Variants in ZFP37 observed in about 807,000 individuals in gnomAD.
ZFP37 encodes zinc finger protein 37 homolog.
In ZFP37, 38 loss-of-function variants were observed where a neutral mutation model predicts 52.1. The observed-to-expected ratio is 0.73, with a 90% CI of 0.56 to 0.96. The LOEUF (loss-of-function observed/expected upper bound fraction) is 0.96, where lower values mean the gene tolerates loss of function less well. Ranked by LOEUF, ZFP37 falls within the 40% of genes least tolerant of loss-of-function variation. The pLI is 0.00. For synonymous variants in ZFP37, 253 were observed against 259.5 expected (o/e 0.98, Z 0.24); for missense variants, 695 against 741.4 (o/e 0.94, Z 0.73).
At chr9:113,050,468 CAAA>C (rs34498194) in intron 1 of ZFP37, among the ~76,000 whole-genome samples, 5 of 121,646 alleles carry the variant, frequency 4.1e-5, no homozygotes, top group Non-Finnish European at 3.5e-5. Context: ...GACAAATAGC[CAAA>C]AAAAAAAAAA....
intron 2 of ZFP37, 57 bp from the exon 3 acceptor site, chr9:113,049,553 C>T: frequency 1.3e-6 from 2 of 1,574,878 alleles, no homozygotes; most frequent in South Asian, 2.3e-5. Context: ...AGAAATGAAG[C>T]CGCAGCATTT....
chr9:113,039,742 CTT>C lies in ZFP37; in HGVS notation c.*2981_*2982del, dbSNP rs1364882218. On this transcript the variant is annotated 3_prime_UTR_variant, in exon 4 of 4. Transcript: ENST00000374227. ...CTCAGGCACTTAGATGATCATATCA[CTT>C]GAATAAATAAATGTTTCAAAACTGT... 4 of 152,158 alleles carry C rather than the reference CTT, an allele frequency of 2.6e-5. No homozygotes were observed. The highest frequency in any genetic ancestry group is 9.7e-5 in the African/African-American group (4 of 41,436). The allele number at this position is 152,158 out of a possible 1,614,324, so 9.4% of individuals were successfully genotyped here. A position where few individuals can be genotyped will look rare whatever the true frequency, so the allele number is the denominator to read the frequency against.
At position 113,043,025 on chromosome 9, in the gene ZFP37, G is replaced by T. The variant is rs1478079690; in HGVS notation, c.1593C>A (p.Gly531=). The change falls in exon 4 of 4, where the codon GGC becomes GGA. Residue 531 remains glycine (G), a synonymous_variant. Transcript: ENST00000374227. ...QCGKGFKQIE[G]LTQHQRVHTG... is the part of the protein sequence containing the mutation. The stretch of plus-strand genomic sequence containing the variant: ...TATGAACTCTCTGATGTTGAGTAAG[G>T]CCTTCAATTTGTTTAAAGCCTTTCC... 6.2e-7 allele frequency: 1 copy of T among 1,613,458 alleles called. No homozygotes were observed. The highest frequency in any genetic ancestry group is 1.3e-5 in the African/African-American group (1 of 74,824).
At position 113,039,423 on chromosome 9, in the gene ZFP37, G is replaced by C. The variant is rs1828812227; in HGVS notation, c.*3302C>G. ...TCAGATTCTAAAAGATATATCCCTG[G>C]AATGCTCTTCCGTCATATATATATA... On this transcript the variant is annotated 3_prime_UTR_variant, in exon 4 of 4. Transcript: ENST00000374227. 1 of 151,706 alleles carries C rather than the reference G, an allele frequency of 6.6e-6. No individual in the cohort carries two copies. Among genetic ancestry groups the C allele is most frequent in the Admixed American group, 6.6e-5 (1 of 15,202 alleles). 9.4% of individuals were successfully genotyped at this position (151,706 alleles called of 1,614,324 possible). A position where few individuals can be genotyped will look rare whatever the true frequency, so the allele number is the denominator to read the frequency against.
chr9:113,048,561 G>C (rs1236254967), intron 3 of ZFP37, among the ~76,000 whole-genome samples: 1 of 152,148 alleles, frequency 6.6e-6, no homozygotes, highest in Non-Finnish European at 1.5e-5. Context: ...TTGAGCACAG[G>C]AATAAGGATA....
In ZFP37 at chr9:113,043,002, T is replaced by C. The variant is rs768402026; in HGVS notation, c.1616A>G (p.His539Arg). 6.2e-7 allele frequency: 1 copy of C among 1,613,914 alleles called. No individual in the cohort carries two copies. Reference sequence around the variant, plus strand: ...ACACTCATACGGTTTCTCTCCAGTATGAACTCTCTGATGTTGAGTAAGGCC... The same window carrying C: ...ACACTCATACGGTTTCTCTCCAGTACGAACTCTCTGATGTTGAGTAAGGCC... ...IEGLTQHQRV[H>R]TGEKPYECNE... Residue 539 changes from histidine to arginine, a missense_variant, in exon 4 of 4, where the codon CAT (histidine) becomes CGT (arginine). Physicochemically the swap from His to Arg is conservative, Grantham distance 29 (BLOSUM62 0). Around this residue, in one of 2 missense-constraint regions of ZFP37, gnomAD observed 326 missense variants for 400.5 expected, o/e 0.81. Coordinates refer to ENST00000374227, the MANE Select transcript of ZFP37 (RefSeq NM_003408.3).
rs1321290362 is a variant in ZFP37 at position 113,044,138 on chromosome 9, T to A, written c.480A>T (p.Lys160Asn). The change falls in exon 4 of 4, where the codon AAA becomes AAT. Residue 160 changes from lysine (K) to asparagine (N), a missense_variant. Transcript: ENST00000374227. ...GAACATGTTTTTTATGCAAATTATT[T>A]TTTTTCCCCAGTGAACCACAGTCAC... ...NGSDCGSLGK[K>N]NNLHKKHVPS... is the part of the protein sequence containing the mutation. 6.2e-7 allele frequency: 1 copy of A among 1,612,704 alleles called. No homozygotes were observed.
intron 1 of ZFP37, chr9:113,050,095 C>T (rs1218601091): frequency 1.6e-6 from 1 of 642,836 alleles, no homozygotes. Context: ...TAAGAAATGT[C>T]CCTACTGAGC....
At position 113,043,141 on chromosome 9, in the gene ZFP37, CAT is replaced by C. The variant is rs1491201380; in HGVS notation, c.1475_1476del (p.Asn492ArgfsTer9). ...THTKEKPYKC[N>X]ECGKAFGHSS... ...CTATGTCCAAAGGCTTTTCCACACT[CAT>C]TACATTTATAAGGTTTCTCCTTAGT... is the stretch of plus-strand genomic sequence containing the variant. On this transcript the variant is annotated frameshift_variant, in exon 4 of 4. Transcript: ENST00000374227. LOFTEE classifies it high-confidence loss of function. The C allele has an allele frequency of 6.2e-6, 10 of 1,613,594 alleles. No homozygotes were observed. Among genetic ancestry groups the C allele is most frequent in the Non-Finnish European group, 8.5e-6 (10 of 1,179,934 alleles).
chr9:113,049,677 C>A, intron 2 of ZFP37, 114 bp downstream of exon 2: 1 of 1,472,226 alleles, frequency 6.8e-7, no homozygotes, highest in African/African-American at 1.4e-5. Flanking sequence ...TGCCTAGTAC[C>A]CAAAAAAGAA....
chr9:113,055,170 G>A lies in ZFP37; in HGVS notation c.132+1387C>T, dbSNP rs12554807. Among the ~76,000 whole-genome samples the A allele has an allele frequency of 9.9e-3, 1,500 of 152,208 alleles. 63 individuals carry two copies. The highest frequency in any genetic ancestry group is 0.077 in the Admixed American group (1,183 of 15,276). ...TTACTCCTACCCCAGGTCCTTTGCA[G>A]TTGATGTTTATTTCTTCCTGAAACA... is the stretch of plus-strand genomic sequence containing the variant. On this transcript the variant is annotated intron_variant, in intron 1 of 3. Transcript: ENST00000374227.
chr9:113,049,632 G>A, intron 2 of ZFP37, 136 bp from the exon 3 acceptor site: 1 of 1,430,980 alleles, frequency 7.0e-7, no homozygotes, highest in Admixed American at 2.6e-5. Flanking sequence ...CAGCTAAATA[G>A]ACCTTCCATT....
intron 1 of ZFP37, chr9:113,050,176 G>A (rs1247098142): frequency 8.0e-6 from 2 of 250,204 alleles, no homozygotes; most frequent in East Asian, 2.1e-4. Flanking sequence ...CTTGAGCTCA[G>A]GAGTTTGAGA....
chr9:113,056,601 G>A lies in ZFP37; in HGVS notation c.88C>T (p.Arg30Ter). The change falls in exon 1 of 4, where the codon CGA (arginine) becomes TGA (stop). Residue 30 changes from arginine (R) to a stop codon, truncating the protein, a stop_gained. Transcript: ENST00000374227. LOFTEE classifies it high-confidence loss of function. ...RSAETTKEAGRPLEMAVSEPE... is the reference protein window; with the variant it reads ...RSAETTKEAG ...TCGGACACAGCCATCTCCAGTGGTCGCCCGGCCTCTTTGGTCGTTTCCGCA... is the reference window on the plus strand; with the variant it reads ...TCGGACACAGCCATCTCCAGTGGTCACCCGGCCTCTTTGGTCGTTTCCGCA... 2 of 1,613,854 alleles carry A rather than the reference G, an allele frequency of 1.2e-6. No homozygotes were observed. The highest frequency in any genetic ancestry group is 2.2e-5 in the South Asian group (2 of 91,070).
Position 113,044,135 on chromosome 9 carries a change from A to AT in ZFP37, c.482dup (p.Asn161LysfsTer2), listed in dbSNP as rs563751025. 17 of 1,611,252 alleles carry AT rather than the reference A, an allele frequency of 1.1e-5. No individual in the cohort carries two copies. The highest frequency in any genetic ancestry group is 1.4e-5 in the Non-Finnish European group (16 of 1,179,394). On this transcript the variant is annotated frameshift_variant, in exon 4 of 4. Transcript: ENST00000374227. LOFTEE classifies it high-confidence loss of function. ...AAGGAACATGTTTTTTATGCAAATT[A>AT]TTTTTTTTCCCCAGTGAACCACAGT...
rs75744451 is a variant in ZFP37, at chr9:113,051,514, G to A, written c.133-1642C>T. Among the ~76,000 whole-genome samples, 38 of 152,030 alleles carry A rather than the reference G, an allele frequency of 2.5e-4. No homozygotes were observed. The East Asian group carries it at 6.4e-3, about 26-fold the overall frequency. On this transcript the variant is annotated intron_variant, in intron 1 of 3. Transcript: ENST00000374227. The stretch of plus-strand genomic sequence containing the variant: ...GTTGCCCAGGCTGAAGTGCAATAGC[G>A]TAATCATAGCTCACCGACACCTTGA...
chr9:113,056,426 C>T, intron 1 of ZFP37, 131 bp downstream of exon 1: 1 of 1,446,186 alleles, frequency 6.9e-7, no homozygotes, highest in Non-Finnish European at 9.3e-7. Flanking sequence ...GAACACCGAC[C>T]TCCCAAAAGA....
chr9:113,044,406 G>A, intron 3 of ZFP37, 138 bp from the exon 4 acceptor site: 1 of 679,388 alleles, frequency 1.5e-6, no homozygotes, highest in Non-Finnish European at 2.3e-6. Context: ...AAACAACTAG[G>A]GTGAATGGAC....
rs766846414 is a variant in ZFP37, at chr9:113,043,434, T to C, written c.1184A>G (p.His395Arg). 6.2e-7 allele frequency: 1 copy of C among 1,614,126 alleles called. No individual in the cohort carries two copies. ...TFRHSSNLIQ[H>R]VRSHTGEKPY... ...CTTCTCACCTGTGTGAGATCTCACA[T>C]GTTGAATAAGGTTTGAGCTGTGTCT... The change falls in exon 4 of 4, where the codon CAT (histidine) becomes CGT (arginine). Residue 395 changes from histidine to arginine, a missense_variant. His to Arg is a conservative substitution (Grantham distance 29, BLOSUM62 0). Coordinates refer to ENST00000374227, the MANE Select transcript of ZFP37 (RefSeq NM_003408.3).
Sources: gnomAD v4.1 joint callset for allele counts (sites outside exome capture counted in the v4.1 genomes callset) on GRCh38, gnomAD v4.1.1 for gene constraint, gnomAD v4.1.1 regional missense constraint, MANE v1.5 for transcripts, NCBI Gene and HGNC (gene_info 2026-07-23, HGNC 2026-07-21) for gene names.